Variants in FOXK1 observed in about 807,000 individuals in gnomAD.
The protein encoded by FOXK1 is forkhead box protein K1.
Under a neutral mutation model 51.9 loss-of-function variants are expected in FOXK1, and 19 were observed. The observed-to-expected ratio is 0.37, with a 90% CI of 0.26 to 0.54. The LOEUF is 0.54. Ranked by LOEUF, FOXK1 falls within the 20% of genes least tolerant of loss-of-function variation. FOXK1 has a pLI of 0.87. For synonymous variants in FOXK1, 537 were observed against 482.6 expected (o/e 1.11, Z -1.48); for missense variants, 870 against 1,032.7 (o/e 0.84, Z 2.16).
In FOXK1 at chr7:4,761,699, TA is replaced by T. The variant is rs112760580; in HGVS notation, c.1921+420del. ...GTGACTGAGCGAGACCCTGTCCCTTTAAAAAAAAAGTGGGGGGAAAGAAAAC... is the reference window on the plus strand; with the variant it reads ...GTGACTGAGCGAGACCCTGTCCCTTTAAAAAAAAGTGGGGGGAAAGAAAAC... On this transcript the variant is annotated intron_variant, in intron 8 of 8. Coordinates refer to ENST00000328914, the MANE Select transcript of FOXK1 (RefSeq NM_001037165.2). The surrounding 1 kb of genome is among the most constrained non-coding windows in gnomAD (Gnocchi z 6.2). Among the ~76,000 whole-genome samples the T allele has an allele frequency of 7.3e-5, 11 of 150,306 alleles. No homozygotes were observed. The highest frequency in any genetic ancestry group is 2.4e-4 in the African/African-American group (10 of 40,962).
At chr7:4,684,734 A>G (rs1441803872) in intron 1 of FOXK1, among the ~76,000 whole-genome samples, 1 of 152,138 alleles carries the variant, frequency 6.6e-6, no homozygotes, top group African/African-American at 2.4e-5. Context: ...TACTTCCATT[A>G]AAGTCTTGTT....
intron 1 of FOXK1, among the ~76,000 whole-genome samples, chr7:4,726,595 C>T (rs1374521435): frequency 1.3e-5 from 2 of 151,768 alleles, no homozygotes; most frequent in East Asian, 1.9e-4. Context: ...GCACTCCAGC[C>T]TGGACGACAG....
At chr7:4,701,087 A>C (rs1780015269) in intron 1 of FOXK1, among the ~76,000 whole-genome samples, 1 of 152,190 alleles carries the variant, frequency 6.6e-6, no homozygotes, top group African/African-American at 2.4e-5. Context: ...GCCGCTCACC[A>C]GCAAGGCTGT....
chr7:4,742,064 G>C (rs1780641164), intron 2 of FOXK1, among the ~76,000 whole-genome samples: 1 of 152,288 alleles, frequency 6.6e-6, no homozygotes, highest in Admixed American at 6.5e-5. Flanking sequence ...CTCTGCAGAT[G>C]CGTGGCTGCG....
At chr7:4,686,481 T>G (rs1242140601) in intron 1 of FOXK1, among the ~76,000 whole-genome samples, 1 of 152,230 alleles carries the variant, frequency 6.6e-6, no homozygotes, top group Non-Finnish European at 1.5e-5. Flanking sequence ...CTTGCTCTAC[T>G]GGGTGACACT....
chr7:4,737,551 C>CGTGTGT (rs762298656), intron 1 of FOXK1, among the ~76,000 whole-genome samples: 5 of 76,442 alleles, frequency 6.5e-5, no homozygotes, highest in African/African-American at 3.1e-4. Context: ...TGTGTGCGTG[C>CGTGTGT]CTGTGTGTGT....
intron 1 of FOXK1, among the ~76,000 whole-genome samples, chr7:4,739,806 T>G (rs960524122): frequency 1.3e-5 from 2 of 152,236 alleles, no homozygotes; most frequent in Non-Finnish European, 2.9e-5. Flanking sequence ...CTTGAAAATG[T>G]CTGCATAGGT....
intron 1 of FOXK1, among the ~76,000 whole-genome samples, chr7:4,705,696 GC>G (rs1780080770): frequency 6.6e-6 from 1 of 151,258 alleles, no homozygotes; most frequent in African/African-American, 2.4e-5. Flanking sequence ...GTGCCACCAT[GC>G]CCGGCTAATT....
At chr7:4,746,055 G>C (rs1780698626) in intron 2 of FOXK1, among the ~76,000 whole-genome samples, 2 of 152,170 alleles carry the variant, frequency 1.3e-5, no homozygotes. Flanking sequence ...CAGAGTGACT[G>C]TTTTTGCTCA....
chr7:4,732,066 G>A (rs1780484802), intron 1 of FOXK1, among the ~76,000 whole-genome samples: 1 of 152,210 alleles, frequency 6.6e-6, no homozygotes, highest in Non-Finnish European at 1.5e-5. Flanking sequence ...CCCTTGCCGT[G>A]AGCCGCTGCA....
chr7:4,714,361 C>G (rs1020873346), intron 1 of FOXK1, among the ~76,000 whole-genome samples: 1 of 152,138 alleles, frequency 6.6e-6, no homozygotes, highest in Non-Finnish European at 1.5e-5. Flanking sequence ...TCACTGCAGC[C>G]TCCACTTCTG....
chr7:4,728,119 T>C (rs1042667853), intron 1 of FOXK1, among the ~76,000 whole-genome samples: 6 of 152,140 alleles, frequency 3.9e-5, no homozygotes, highest in Admixed American at 1.3e-4. Context: ...CGGGACCGGC[T>C]CACAAGCTTC....
rs149026056 is a variant in FOXK1, at chr7:4,747,492, T to C, written c.746+6469T>C. On this transcript the variant is annotated intron_variant, in intron 2 of 8. Coordinates refer to ENST00000328914, the MANE Select transcript of FOXK1 (RefSeq NM_001037165.2). The surrounding 1 kb of genome is among the most constrained non-coding windows in gnomAD (Gnocchi z 9.2). ...TTAATTTTATTTTCTAAATTATTAT[T>C]TTTAATGCTGGTTCCAATTTGGGTT... 2.2e-4 allele frequency among the ~76,000 whole-genome samples: 33 copies of C among 152,364 alleles called. No individual in the cohort carries two copies. The highest frequency in any genetic ancestry group is 7.7e-4 in the African/African-American group (32 of 41,596).
chr7:4,687,149 G>A (rs1779830114), intron 1 of FOXK1, among the ~76,000 whole-genome samples: 1 of 151,996 alleles, frequency 6.6e-6, no homozygotes, highest in South Asian at 2.1e-4. Context: ...AGCCAGGATG[G>A]TCTGGATCTC....
chr7:4,690,996 T>A (rs1384580689), intron 1 of FOXK1, among the ~76,000 whole-genome samples: 1 of 152,220 alleles, frequency 6.6e-6, no homozygotes, highest in Non-Finnish European at 1.5e-5. Context: ...CGTGACTTGT[T>A]GGGCGATCTT....
rs534536569 is a variant in FOXK1, at chr7:4,758,236, G to C, written c.1245-815G>C. 6.6e-6 allele frequency: 1 copy of C among 152,322 alleles called. No individual in the cohort carries two copies. The highest frequency in any genetic ancestry group is 2.1e-4 in the South Asian group (1 of 4,836). The allele number at this position is 152,322 out of a possible 1,614,324, so 9.4% of individuals were successfully genotyped here. On this transcript the variant is annotated intron_variant, in intron 5 of 8. Transcript: ENST00000328914. The surrounding 1 kb of genome is among the most constrained non-coding windows in gnomAD (Gnocchi z 4.4). ...GGAACGCAGCTCTGCTGCCGGCGGGGTGGACAGACCCTCCCCCAGCCATTG... is the reference window on the plus strand; with the variant it reads ...GGAACGCAGCTCTGCTGCCGGCGGGCTGGACAGACCCTCCCCCAGCCATTG...
Position 4,700,819 on chromosome 7 carries a change from AAAAC to A in FOXK1, c.560+17962_560+17965del, listed in dbSNP as rs752660859. On this transcript the variant is annotated intron_variant, in intron 1 of 8. Transcript: ENST00000328914. ...GCAACAGAGCAAGACCCTGTCTCAAAAAACAAACAAACAAGTACTTACCTCAGTG... is the reference window on the plus strand; with the variant it reads ...GCAACAGAGCAAGACCCTGTCTCAAAAAACAAACAAGTACTTACCTCAGTG... 8.7e-4 allele frequency among the ~76,000 whole-genome samples: 132 copies of A among 152,302 alleles called. 1 individual carries two copies. Among genetic ancestry groups the A allele is most frequent in the Admixed American group, 1.6e-3 (24 of 15,290 alleles).
In FOXK1 at chr7:4,683,623, C is replaced by G. The variant is rs1395839048; in HGVS notation, c.560+755C>G. Among the ~76,000 whole-genome samples the G allele has an allele frequency of 1.3e-5, 2 of 151,500 alleles. No individual in the cohort carries two copies. The highest frequency in any genetic ancestry group is 4.8e-5 in the African/African-American group (2 of 41,246). ...GGACTCCAGGGTCACCCCAGCCTGA[C>G]CTGGTTCTCAGGACCACCCCCGACC... On this transcript the variant is annotated intron_variant, in intron 1 of 8. Transcript: ENST00000328914. The surrounding 1 kb of genome is among the most constrained non-coding windows in gnomAD (Gnocchi z 4.5).
rs1245579263 is a variant in FOXK1 at position 4,755,708 on chromosome 7, G to A, written c.1050+325G>A. ...ATCACACCACTGCACTCCAGCCTGG[G>A]AGACAGAGAAAGACCCTGTGTCTAC... On this transcript the variant is annotated intron_variant, in intron 4 of 8. Coordinates refer to ENST00000328914, the MANE Select transcript of FOXK1 (RefSeq NM_001037165.2). This position sits in a 1 kb window ranked among gnomAD's most constrained non-coding sequence, Gnocchi z 6.6. Among the ~76,000 whole-genome samples, 1 of 152,148 alleles carries A rather than the reference G, an allele frequency of 6.6e-6. No individual in the cohort carries two copies. Among genetic ancestry groups the A allele is most frequent in the Non-Finnish European group, 1.5e-5 (1 of 68,032 alleles).
Sources: allele counts gnomAD v4.1 joint callset (sites outside exome capture counted in the v4.1 genomes callset), GRCh38; gene constraint gnomAD v4.1.1; non-coding constraint Gnocchi (gnomAD v3.1); transcripts MANE v1.5; gene names NCBI Gene and HGNC (gene_info 2026-07-23, HGNC 2026-07-21).